TRPM6: variants seen among roughly 807,000 people sequenced by gnomAD.
TRPM6 encodes the protein channel kinase 2.
Under a neutral mutation model 247.6 loss-of-function variants are expected in TRPM6, and 111 were observed. That is an observed-to-expected ratio of 0.45 (90% CI 0.38 to 0.52). The LOEUF (loss-of-function observed/expected upper bound fraction) is 0.52, where lower values mean the gene tolerates loss of function less well. Among genes scored for constraint, TRPM6 ranks in the 20% least tolerant of loss-of-function variants. The probability of loss-of-function intolerance (pLI) is 0.00; values close to 1 mark genes in which losing one functional copy is unlikely to be tolerated. For missense variants in TRPM6, 2,126 were observed against 2,421.5 expected (o/e 0.88, Z 2.56); for synonymous variants, 892 against 853.8 (o/e 1.04, Z -0.78).
At chr9:74,801,839 G>C (rs113392610) in intron 16 of TRPM6, 59 bp downstream of exon 16, 23,136 of 1,590,728 alleles carry the variant, frequency 0.015, 206 homozygotes, top group Non-Finnish European at 0.017. Flanking sequence ...AGAGATAAAA[G>C]TGTCTAACCA....
intron 15 of TRPM6, among the ~76,000 whole-genome samples, chr9:74,803,361 C>A (rs180961996): frequency 1.3e-5 from 2 of 151,698 alleles, no homozygotes; most frequent in East Asian, 3.9e-4. Context: ...ATAATAATTT[C>A]AAGAAAGCCT....
chr9:74,863,204 A>G (rs980049027), intron 1 of TRPM6, among the ~76,000 whole-genome samples: 15 of 151,364 alleles, frequency 9.9e-5, no homozygotes, highest in African/African-American at 3.4e-4. Flanking sequence ...CTGCCACCAC[A>G]TCGAGCTAAT....
At chr9:74,842,393 G>A in intron 3 of TRPM6, 50 bp from the exon 4 acceptor site, 1 of 1,580,894 alleles carries the variant, frequency 6.3e-7, no homozygotes, top group South Asian at 1.1e-5. Flanking sequence ...GAAAATAGAT[G>A]CAATATGTCT....
chr9:74,796,628 T>C (rs1587515551), intron 18 of TRPM6, 113 bp downstream of exon 18: 9 of 1,075,182 alleles, frequency 8.4e-6, no homozygotes, highest in East Asian at 7.1e-5. Flanking sequence ...GCCTGAAATA[T>C]AGGCAACATA....
rs368057262 is a variant in TRPM6 at position 74,762,780 on chromosome 9, C to A, written c.3891G>T (p.Arg1297Ser). 4.0e-5 allele frequency: 65 copies of A among 1,614,004 alleles called. No individual in the cohort carries two copies. Among genetic ancestry groups the A allele is most frequent in the Non-Finnish European group, 5.2e-5 (61 of 1,180,034 alleles). ...TGTTTGTAATCTCAAGAAGTGCCCC[C>A]CTCTGCACTCTTGGGGGATGCCGGC... is the stretch of plus-strand genomic sequence containing the variant. Reference protein sequence around the residue: ...AGGRHPPRVQRGALLEITNSK... With the variant: ...AGGRHPPRVQSGALLEITNSK... The change falls in exon 26 of 39, where the codon AGG (arginine) becomes AGT (serine). Residue 1297 changes from arginine (R) to serine (S), a missense_variant. Transcript: ENST00000360774.
chr9:74,778,697 G>A (rs1037111035), intron 23 of TRPM6, among the ~76,000 whole-genome samples: 3 of 152,066 alleles, frequency 2.0e-5, no homozygotes, highest in African/African-American at 2.4e-5. Flanking sequence ...TGATGCACAC[G>A]GGCTCCCAGA....
At chr9:74,741,436 C>G (rs1458517960) in intron 33 of TRPM6, among the ~76,000 whole-genome samples, 1 of 152,052 alleles carries the variant, frequency 6.6e-6, no homozygotes, top group Non-Finnish European at 1.5e-5. Context: ...CTAGGTAATG[C>G]TCAGTAACAA....
chr9:74,830,929 C>T (rs573510740), intron 6 of TRPM6, among the ~76,000 whole-genome samples: 3 of 151,844 alleles, frequency 2.0e-5, no homozygotes, highest in Non-Finnish European at 4.4e-5. Context: ...ACCACCCTTC[C>T]AGAGGCAATG....
At chr9:74,731,809 G>A (rs1825531609) in intron 37 of TRPM6, among the ~76,000 whole-genome samples, 1 of 151,888 alleles carries the variant, frequency 6.6e-6, no homozygotes, top group Non-Finnish European at 1.5e-5. Flanking sequence ...CTCAAGAGTG[G>A]TCTCTGGACC....
intron 25 of TRPM6, among the ~76,000 whole-genome samples, chr9:74,767,925 T>C (rs905298371): frequency 2.0e-5 from 3 of 152,198 alleles, no homozygotes; most frequent in Admixed American, 6.5e-5. Flanking sequence ...GCATGAGCTC[T>C]GATCACTCTA....
intron 38 of TRPM6, 64 bp downstream of exon 38, chr9:74,728,175 G>T: frequency 1.6e-6 from 2 of 1,212,864 alleles, no homozygotes; most frequent in Non-Finnish European, 2.4e-6. Context: ...CTTTATCCCA[G>T]GTTACAAAGG....
chr9:74,763,815 G>A (rs1826735897), intron 25 of TRPM6, among the ~76,000 whole-genome samples: 1 of 152,124 alleles, frequency 6.6e-6, no homozygotes, highest in South Asian at 2.1e-4. Flanking sequence ...CACAACACAT[G>A]TTCACCTTTC....
chr9:74,836,965 T>A (rs1246989056), intron 5 of TRPM6, among the ~76,000 whole-genome samples: 1 of 152,240 alleles, frequency 6.6e-6, no homozygotes. Context: ...CTTCCTTGTA[T>A]TCTCAAAACA....
intron 4 of TRPM6, among the ~76,000 whole-genome samples, chr9:74,840,700 C>T (rs913983072): frequency 3.3e-5 from 5 of 151,884 alleles, no homozygotes; most frequent in African/African-American, 9.7e-5. Context: ...ATCTGTAATC[C>T]CAGCTACCCG....
chr9:74,836,702 G>A (rs541009505), intron 5 of TRPM6, among the ~76,000 whole-genome samples: 1 of 152,288 alleles, frequency 6.6e-6, no homozygotes, highest in East Asian at 1.9e-4. Context: ...TAGAGAATAA[G>A]ACTTCAGCAT....
Position 74,739,879 on chromosome 9 carries a change from C to A in TRPM6, c.5331G>T (p.Gly1777=), listed in dbSNP as rs1311214101. The change falls in exon 34 of 39, where the codon GGG becomes GGT. Residue 1777 remains glycine (G), a synonymous_variant. Coordinates refer to ENST00000360774, the MANE Select transcript of TRPM6 (RefSeq NM_017662.5). ...IQVLSREEMD[G]GLRKAMRVVS... is the part of the protein sequence containing the mutation. ...CGACTCTCATAGCTTTACGGAGGCC[C>A]CCATCCATCTCCTCTCGGGACAATA... 1 of 1,614,100 alleles carries A rather than the reference C, an allele frequency of 6.2e-7. No homozygotes were observed. Among genetic ancestry groups the A allele is most frequent in the South Asian group, 1.1e-5 (1 of 91,066 alleles).
At chr9:74,837,880 G>A (rs1829785166) in intron 5 of TRPM6, among the ~76,000 whole-genome samples, 1 of 151,672 alleles carries the variant, frequency 6.6e-6, no homozygotes, top group East Asian at 1.9e-4. Flanking sequence ...CTCCCCAGTA[G>A]CTGGGTCTAC....
At position 74,724,010 on chromosome 9, in the gene TRPM6, T is replaced by C. The variant is rs1825231642; in HGVS notation, c.*603A>G. The C allele has an allele frequency of 6.6e-6, 1 of 151,818 alleles. No homozygotes were observed. The highest frequency in any genetic ancestry group is 2.4e-5 in the African/African-American group (1 of 41,242). 9.4% of individuals were successfully genotyped at this position (151,818 alleles called of 1,614,324 possible). On this transcript the variant is annotated 3_prime_UTR_variant, in exon 39 of 39. Transcript: ENST00000360774. Reference sequence around the variant, plus strand: ...CAGGCATCATATGATTCACTGACAATATCTGAAACCCATCGAGATTTCACC... The same window carrying C: ...CAGGCATCATATGATTCACTGACAACATCTGAAACCCATCGAGATTTCACC...
intron 3 of TRPM6, among the ~76,000 whole-genome samples, chr9:74,851,727 T>G (rs1245014328): frequency 6.7e-6 from 1 of 148,170 alleles, no homozygotes; most frequent in Non-Finnish European, 1.5e-5. Context: ...CCAGCTTGGG[T>G]GACAGAGCTA....
Sources: gnomAD v4.1 joint callset for allele counts (sites outside exome capture counted in the v4.1 genomes callset) on GRCh38, gnomAD v4.1.1 for gene constraint, MANE v1.5 for transcripts, NCBI Gene and HGNC (gene_info 2026-07-23, HGNC 2026-07-21) for gene names.